DRAM2: variants seen among roughly 807,000 people sequenced by gnomAD.
The protein encoded by DRAM2 is DNA damage-regulated autophagy modulator protein 2.
DRAM2 carries 26 observed loss-of-function variants against 33.5 expected under a neutral mutation model. The observed-to-expected ratio is 0.78, with a 90% confidence interval of 0.57 to 1.08. DRAM2 has a LOEUF of 1.08. DRAM2 is among the 50% of genes least tolerant of loss of function. The pLI is 0.00. For missense variants in DRAM2, 311 were observed against 318.1 expected, an observed-to-expected ratio of 0.98 and a Z score of 0.17; for synonymous variants, 98 against 109.5, an observed-to-expected ratio of 0.89 and a Z score of 0.66.
At chr1:111,119,089 A>G (rs1332156149) in intron 8 of DRAM2, among the ~76,000 whole-genome samples, 192 bp from the exon 9 acceptor site, 1 of 151,944 alleles carries the variant, frequency 6.6e-6, no homozygotes, top group African/African-American at 2.4e-5. Context: ...ATGACACTCT[A>G]TTTGTTTCAC....
rs1252791202 is a variant in DRAM2, at chr1:111,126,264, G to A, written c.162C>T (p.Cys54=). The A allele has an allele frequency of 6.2e-7, 1 of 1,609,886 alleles. No individual in the cohort carries two copies. ...CAATATTTAGCATTGCCCCAAATAA[G>A]CATTTTTCTGGAGCTACTGTACCAG... The part of the protein sequence containing the change: ...SDTGTVAPEK[C]LFGAMLNIAA... Residue 54 remains cysteine, a synonymous_variant, in exon 5 of 10, where the codon TGC becomes TGT. Coordinates refer to ENST00000484310, the MANE Select transcript of DRAM2 (RefSeq NM_001349884.2).
chr1:111,127,195 A>C (rs1651183164), intron 4 of DRAM2, among the ~76,000 whole-genome samples: 1 of 152,216 alleles, frequency 6.6e-6, no homozygotes, highest in African/African-American at 2.4e-5. Context: ...ATACCCATTA[A>C]ATATTAGTTC....
chr1:111,138,119 TATTA>T (rs1448381516), intron 2 of DRAM2, among the ~76,000 whole-genome samples: 1 of 152,254 alleles, frequency 6.6e-6, no homozygotes, highest in Non-Finnish European at 1.5e-5. Flanking sequence ...ATAGCTGATT[TATTA>T]ATTATGTAGT....
In DRAM2 at chr1:111,139,677, G is replaced by A. The variant is rs991266804; in HGVS notation, c.-244-11C>T. ...TCCGCTCCGCTTTGCCTGGGACCAG[G>A]AAAAGACGCGAGAGACGGAACTCGG... On this transcript the variant is annotated splice_polypyrimidine_tract_variant and intron_variant, in intron 1 of 9. Coordinates refer to ENST00000484310, the MANE Select transcript of DRAM2 (RefSeq NM_001349884.2). The A allele has an allele frequency of 1.3e-5, 2 of 152,370 alleles. No homozygotes were observed. Among genetic ancestry groups the A allele is most frequent in the African/African-American group, 4.8e-5 (2 of 41,470 alleles). The allele number at this position is 152,370 out of a possible 1,614,324, so 9.4% of individuals were successfully genotyped here.
chr1:111,120,806 A>G, intron 6 of DRAM2, 113 bp from the exon 7 acceptor site: 1 of 868,252 alleles, frequency 1.2e-6, no homozygotes, highest in East Asian at 3.1e-5. Flanking sequence ...TGAGTAGAGA[A>G]GCTCGGCCAA....
intron 6 of DRAM2, among the ~76,000 whole-genome samples, chr1:111,123,940 A>G (rs1031569052): frequency 6.6e-6 from 1 of 152,050 alleles, no homozygotes; most frequent in Non-Finnish European, 1.5e-5. Flanking sequence ...TTCTTGTACA[A>G]CCTGCAGAAC....
At position 111,126,001 on chromosome 1, in the gene DRAM2, T is replaced by C. The variant is rs560673824; in HGVS notation, c.199+226A>G. On this transcript the variant is annotated intron_variant, in intron 5 of 9. Transcript: ENST00000484310. ...ACTTAACAACTTCCATTTGAATGAA[T>C]AGTAGAATAATCCGACACATATTTT... Among the ~76,000 whole-genome samples the C allele has an allele frequency of 2.4e-3, 372 of 152,284 alleles. 4 individuals are homozygous for C. Among genetic ancestry groups the C allele is most frequent in the Non-Finnish European group, 1.9e-3 (126 of 68,000 alleles).
chr1:111,118,350 G>T, intron 9 of DRAM2, 83 bp from the exon 10 acceptor site: 2 of 879,536 alleles, frequency 2.3e-6, no homozygotes, highest in Non-Finnish European at 1.8e-6. Flanking sequence ...AGGCTACCTT[G>T]TGATTATGAA....
At chr1:111,136,208 A>G (rs927892579) in intron 3 of DRAM2, among the ~76,000 whole-genome samples, 27 of 151,996 alleles carry the variant, frequency 1.8e-4, no homozygotes, top group Admixed American at 2.0e-4. Context: ...CTTTTTTTTT[A>G]ATAAAATTGT....
intron 4 of DRAM2, among the ~76,000 whole-genome samples, chr1:111,126,630 T>G (rs1651069983): frequency 7.2e-6 from 1 of 139,066 alleles, no homozygotes; most frequent in Non-Finnish European, 1.5e-5. Context: ...CACCAGAATA[T>G]TCCCTAAACA....
intron 3 of DRAM2, among the ~76,000 whole-genome samples, chr1:111,133,324 T>C (rs1037254723): frequency 6.6e-6 from 1 of 151,958 alleles, no homozygotes; most frequent in African/African-American, 2.4e-5. Context: ...ATTACAGGCA[T>C]CTGCCACCAC....
At chr1:111,123,940 A>C (rs1031569052) in intron 6 of DRAM2, among the ~76,000 whole-genome samples, 1 of 152,050 alleles carries the variant, frequency 6.6e-6, no homozygotes, top group African/African-American at 2.4e-5. Flanking sequence ...TTCTTGTACA[A>C]CCTGCAGAAC....
At chr1:111,119,510 C>G (rs978218465) in intron 8 of DRAM2, 1 of 193,840 alleles carries the variant, frequency 5.2e-6, no homozygotes, top group Admixed American at 5.6e-5. Flanking sequence ...AGTCCATAAT[C>G]AATTTCCAGA....
intron 6 of DRAM2, among the ~76,000 whole-genome samples, 192 bp from the exon 7 acceptor site, chr1:111,120,885 G>A (rs1383560214): frequency 6.6e-6 from 1 of 152,012 alleles, no homozygotes; most frequent in East Asian, 1.9e-4. Flanking sequence ...AAGGATTATA[G>A]TAATACCAAA....
At chr1:111,121,368 C>T (rs1262470679) in intron 6 of DRAM2, among the ~76,000 whole-genome samples, 1 of 152,064 alleles carries the variant, frequency 6.6e-6, no homozygotes, top group Non-Finnish European at 1.5e-5. Context: ...TCTGAGCCTC[C>T]AATAAGAGAA....
intron 5 of DRAM2, among the ~76,000 whole-genome samples, chr1:111,125,948 C>T (rs1204380094): frequency 6.6e-6 from 1 of 152,164 alleles, no homozygotes; most frequent in African/African-American, 2.4e-5. Flanking sequence ...AAGAAGTCCA[C>T]TACAGTCCTC....
chr1:111,136,536 G>C (rs1653206053), intron 3 of DRAM2, among the ~76,000 whole-genome samples: 1 of 151,972 alleles, frequency 6.6e-6, no homozygotes, highest in South Asian at 2.1e-4. Context: ...AATGAGCTGA[G>C]ATTGTGCCAC....
intron 5 of DRAM2, 23 bp from the exon 6 acceptor site, chr1:111,124,904 A>C: frequency 1.9e-6 from 3 of 1,606,770 alleles, no homozygotes; most frequent in Non-Finnish European, 2.5e-6. Context: ...AATCCAAAAA[A>C]CAACAAAGTA....
At chr1:111,125,030 A>C (rs1650735865) in intron 5 of DRAM2, 149 bp from the exon 6 acceptor site, 1 of 773,284 alleles carries the variant, frequency 1.3e-6, no homozygotes, top group African/African-American at 1.8e-5. Flanking sequence ...AAAAAAAAAC[A>C]AAATAGCTGT....
Sources: allele counts gnomAD v4.1 joint callset (sites outside exome capture counted in the v4.1 genomes callset), GRCh38; gene constraint gnomAD v4.1.1; transcripts MANE v1.5; gene names NCBI Gene and HGNC (gene_info 2026-07-23, HGNC 2026-07-21).